The following PEX5L variants were observed in gnomAD, a reference collection of about 807,000 sequenced individuals.
PEX5L encodes the protein peroxisomal biogenesis factor 5 like, also known as PEX5-related protein.
In PEX5L, 30 loss-of-function variants were observed where a neutral mutation model predicts 84.0. That is an observed-to-expected ratio of 0.36 (90% CI 0.27 to 0.48). PEX5L has a LOEUF of 0.48. PEX5L is among the 20% of genes least tolerant of loss of function. PEX5L has a pLI of 0.99. For missense variants in PEX5L, 533 were observed against 754.6 expected (o/e 0.71, Z 3.44); for synonymous variants, 270 against 283.1 (o/e 0.95, Z 0.46).
chr3:179,968,622 A>G (rs1200943937), intron 2 of PEX5L, among the ~76,000 whole-genome samples: 1 of 152,028 alleles, frequency 6.6e-6, no homozygotes, highest in African/African-American at 2.4e-5. Context: ...CTACGCTTAA[A>G]GTTTGAAAAC....
Position 179,797,605 on chromosome 3 carries a change from A to ATATATATATATATAT in PEX5L, c.*4222_*4223insATATATATATATATA, listed in dbSNP as rs1171034649. On this transcript the variant is annotated 3_prime_UTR_variant, in exon 15 of 15. Coordinates refer to ENST00000467460, the MANE Select transcript of PEX5L (RefSeq NM_016559.3). ...AACACTCTTTAAAAAAAAAAAAAAA[A>ATATATATATATATAT]ATATATATATATATATATATATATA... The ATATATATATATATAT allele has an allele frequency of 7.1e-4, 63 of 89,118 alleles. No homozygotes were observed. Among genetic ancestry groups the ATATATATATATATAT allele is most frequent in the African/African-American group, 2.6e-3 (58 of 22,176 alleles). 5.5% of individuals were successfully genotyped at this position (89,118 alleles called of 1,614,324 possible). A position where few individuals can be genotyped will look rare whatever the true frequency, so the allele number is the denominator to read the frequency against.
intron 4 of PEX5L, among the ~76,000 whole-genome samples, chr3:179,882,992 G>A (rs1560526443): frequency 6.6e-6 from 1 of 152,054 alleles, no homozygotes; most frequent in African/African-American, 2.4e-5. Context: ...TCAGCTACTC[G>A]GGAGACTAGG....
chr3:179,888,312 C>T (rs1756537506), intron 3 of PEX5L: 1 of 349,698 alleles, frequency 2.9e-6, no homozygotes, highest in Non-Finnish European at 5.6e-6. Context: ...TCTACATTTC[C>T]TTGGAATGCT....
chr3:179,950,525 A>C (rs947194714), intron 2 of PEX5L, among the ~76,000 whole-genome samples: 14 of 152,310 alleles, frequency 9.2e-5, no homozygotes, highest in African/African-American at 3.1e-4. Flanking sequence ...CAAAATTTAA[A>C]AAATGTAAAA....
chr3:179,887,622 T>C (rs1756313012), intron 4 of PEX5L, 51 bp downstream of exon 4: 2 of 1,147,438 alleles, frequency 1.7e-6, no homozygotes, highest in Non-Finnish European at 2.6e-6. Context: ...TGCATTTTAC[T>C]ATAGTTAAAA....
At chr3:179,946,538 A>G (rs1777597864) in intron 2 of PEX5L, among the ~76,000 whole-genome samples, 1 of 152,220 alleles carries the variant, frequency 6.6e-6, no homozygotes, top group South Asian at 2.1e-4. Flanking sequence ...AATGACAACA[A>G]GAAGAAAGTG....
At chr3:179,952,334 T>A (rs1000880666) in intron 2 of PEX5L, among the ~76,000 whole-genome samples, 6 of 152,156 alleles carry the variant, frequency 3.9e-5, no homozygotes, top group South Asian at 4.1e-4. Context: ...ATTTTTTTTT[T>A]AAAACTGTAT....
At chr3:179,856,226 C>G (rs979498285) in intron 8 of PEX5L, among the ~76,000 whole-genome samples, 1 of 152,182 alleles carries the variant, frequency 6.6e-6, no homozygotes. Context: ...GATTTAGTAC[C>G]TCACACATAG....
At chr3:179,846,928 T>C (rs1739588055) in intron 8 of PEX5L, among the ~76,000 whole-genome samples, 1 of 152,108 alleles carries the variant, frequency 6.6e-6, no homozygotes, top group African/African-American at 2.4e-5. Flanking sequence ...ATGGAAGATC[T>C]AGAGACATCT....
chr3:180,025,765 T>C (rs1790892744), intron 1 of PEX5L, among the ~76,000 whole-genome samples: 1 of 152,240 alleles, frequency 6.6e-6, no homozygotes, highest in African/African-American at 2.4e-5. Context: ...ACGCCGTGGC[T>C]AAACTCTTTA....
At chr3:179,960,227 C>A (rs974958974) in intron 2 of PEX5L, among the ~76,000 whole-genome samples, 14 of 152,178 alleles carry the variant, frequency 9.2e-5, no homozygotes, top group African/African-American at 2.7e-4. Context: ...CTACTTCTAG[C>A]AGATATGCCA....
chr3:179,975,221 A>C (rs1440171274), intron 1 of PEX5L, among the ~76,000 whole-genome samples: 1 of 152,106 alleles, frequency 6.6e-6, no homozygotes, highest in African/African-American at 2.4e-5. Flanking sequence ...AAGAAAAACA[A>C]TATAATGGCC....
At chr3:179,892,284 C>G (rs968549396) in intron 3 of PEX5L, among the ~76,000 whole-genome samples, 3 of 152,100 alleles carry the variant, frequency 2.0e-5, no homozygotes, top group African/African-American at 7.2e-5. Context: ...GTGACAGATT[C>G]TTATTTCTCT....
intron 1 of PEX5L, among the ~76,000 whole-genome samples, chr3:179,991,313 C>T (rs1181885068): frequency 6.6e-6 from 1 of 152,184 alleles, no homozygotes; most frequent in East Asian, 1.9e-4. Flanking sequence ...TCAGGTTTTA[C>T]AAGCATAGTC....
At chr3:180,011,055 A>G (rs1448223804) in intron 1 of PEX5L, among the ~76,000 whole-genome samples, 1 of 152,176 alleles carries the variant, frequency 6.6e-6, no homozygotes, top group African/African-American at 2.4e-5. Flanking sequence ...CACACGGCCC[A>G]GATAGCGAAA....
At position 179,800,762 on chromosome 3, in the gene PEX5L, T is replaced by C. The variant is rs1450155425; in HGVS notation, c.*1066A>G. ...AGAAAACATAATTTTTAGGAAAAAA[T>C]GTTATTTATCACTCTTAAGAAATAT... On this transcript the variant is annotated 3_prime_UTR_variant, in exon 15 of 15. Transcript: ENST00000467460. 6.6e-6 allele frequency: 1 copy of C among 152,082 alleles called. No homozygotes were observed. Among genetic ancestry groups the C allele is most frequent in the East Asian group, 1.9e-4 (1 of 5,190 alleles). The allele number at this position is 152,082 out of a possible 1,614,324, so 9.4% of individuals were successfully genotyped here.
intron 8 of PEX5L, among the ~76,000 whole-genome samples, chr3:179,840,275 G>A (rs958330961): frequency 3.0e-5 from 4 of 135,376 alleles, no homozygotes; most frequent in Non-Finnish European, 6.1e-5. Flanking sequence ...CGCAATCTCC[G>A]TCTCCCAGGT....
At chr3:179,913,680 T>C (rs1205398108) in intron 2 of PEX5L, among the ~76,000 whole-genome samples, 4 of 152,152 alleles carry the variant, frequency 2.6e-5, no homozygotes, top group African/African-American at 4.8e-5. Flanking sequence ...TTTCTTGCAT[T>C]TGGATATTTT....
intron 8 of PEX5L, among the ~76,000 whole-genome samples, chr3:179,834,660 T>C (rs998852989): frequency 3.3e-5 from 5 of 152,134 alleles, no homozygotes; most frequent in Admixed American, 3.3e-4. Flanking sequence ...ATTGTGAATA[T>C]GTAAGAGTCA....
Sources: allele counts gnomAD v4.1 joint callset (sites outside exome capture counted in the v4.1 genomes callset), GRCh38; gene constraint gnomAD v4.1.1; transcripts MANE v1.5; gene names NCBI Gene and HGNC (gene_info 2026-07-23, HGNC 2026-07-21).